NLGN1: variants seen among roughly 807,000 people sequenced by gnomAD.
NLGN1 encodes neuroligin 1.
In NLGN1, 12 loss-of-function variants were observed where a neutral mutation model predicts 65.5. That is an observed-to-expected ratio of 0.18 (90% confidence interval 0.12 to 0.30). The LOEUF is 0.30. NLGN1 is among the 10% of genes least tolerant of loss of function. NLGN1 has a pLI of 1.00. For synonymous variants in NLGN1, 350 were observed against 359.5 expected, an observed-to-expected ratio of 0.97 and a Z score of 0.30; for missense variants, 750 against 1,007.1, an observed-to-expected ratio of 0.74 and a Z score of 3.46.
At chr3:174,013,001 T>C (rs972809297) in intron 4 of NLGN1, among the ~76,000 whole-genome samples, 19 of 152,152 alleles carry the variant, frequency 1.2e-4, no homozygotes, top group African/African-American at 4.6e-4. Flanking sequence ...TATTTACACA[T>C]GGACAGTAAC....
Position 173,976,950 on chromosome 3 carries a change from A to G in NLGN1, c.646+169118A>G, listed in dbSNP as rs191115779. Among the ~76,000 whole-genome samples, 412 of 152,194 alleles carry G rather than the reference A, an allele frequency of 2.7e-3. 2 individuals are homozygous for G. Among genetic ancestry groups the G allele is most frequent in the African/African-American group, 9.2e-3 (384 of 41,554 alleles). On this transcript the variant is annotated intron_variant, in intron 4 of 6. Transcript: ENST00000457714. ...ACTACAGAAAAAAATGGACTCAGTC[A>G]TTCATTTTTCATTCATTATTTCATT...
intron 4 of NLGN1, among the ~76,000 whole-genome samples, chr3:173,906,117 T>G (rs1217054729): frequency 8.5e-5 from 13 of 152,212 alleles, no homozygotes; most frequent in Admixed American, 6.5e-5. Flanking sequence ...GTAGATTGTT[T>G]TATAGATTAG....
chr3:174,111,942 T>TAC (rs1356980895), intron 4 of NLGN1, among the ~76,000 whole-genome samples: 1 of 151,952 alleles, frequency 6.6e-6, no homozygotes, highest in Non-Finnish European at 1.5e-5. Context: ...CTCTTGGATG[T>TAC]ACCAGTGGAA....
chr3:173,860,700 G>A (rs969201755), intron 4 of NLGN1, among the ~76,000 whole-genome samples: 1 of 152,190 alleles, frequency 6.6e-6, no homozygotes, highest in African/African-American at 2.4e-5. Flanking sequence ...CCTCTAGTCT[G>A]TAATAAAGAG....
chr3:174,174,950 A>G (rs571384703), intron 4 of NLGN1, among the ~76,000 whole-genome samples: 27 of 152,038 alleles, frequency 1.8e-4, no homozygotes, highest in African/African-American at 6.5e-4. Context: ...ATGTGTTTGT[A>G]TAGTTTATAA....
At chr3:174,015,406 C>T (rs1726353987) in intron 4 of NLGN1, among the ~76,000 whole-genome samples, 1 of 152,068 alleles carries the variant, frequency 6.6e-6, no homozygotes, top group Admixed American at 6.6e-5. Flanking sequence ...CTAGCTATGT[C>T]CCCCTCATGA....
intron 4 of NLGN1, among the ~76,000 whole-genome samples, chr3:173,941,519 A>G (rs1746088529): frequency 2.0e-5 from 3 of 152,010 alleles, no homozygotes; most frequent in Admixed American, 2.0e-4. Flanking sequence ...TTGACTCAAA[A>G]GGTTGACTGG....
chr3:173,876,857 G>A (rs1202534527), intron 4 of NLGN1, among the ~76,000 whole-genome samples: 1 of 152,056 alleles, frequency 6.6e-6, no homozygotes, highest in African/African-American at 2.4e-5. Context: ...GTGAATAAAT[G>A]CATAAATGTC....
intron 3 of NLGN1, among the ~76,000 whole-genome samples, chr3:173,659,615 G>T (rs955691880): frequency 2.0e-5 from 3 of 151,526 alleles, no homozygotes; most frequent in Non-Finnish European, 4.4e-5. Context: ...CTAACATATT[G>T]GGTTTATTAT....
At chr3:173,534,749 C>T (rs1286121783) in intron 2 of NLGN1, among the ~76,000 whole-genome samples, 1 of 152,142 alleles carries the variant, frequency 6.6e-6, no homozygotes, top group Non-Finnish European at 1.5e-5. Flanking sequence ...TACAAAGTGG[C>T]AGAGCCAGGA....
chr3:173,674,567 A>C (rs73880540), intron 3 of NLGN1, among the ~76,000 whole-genome samples: 2,945 of 152,266 alleles, frequency 0.019, 102 homozygotes, highest in African/African-American at 0.065. Context: ...TTAAAGTTAC[A>C]GGAACATTTT....
chr3:174,265,576 G>A (rs1747924325), intron 4 of NLGN1, among the ~76,000 whole-genome samples: 1 of 151,796 alleles, frequency 6.6e-6, no homozygotes, highest in African/African-American at 2.4e-5. Flanking sequence ...TGCGCCCACT[G>A]TCTGGCACTC....
chr3:173,755,735 A>T (rs1296346718), intron 3 of NLGN1, among the ~76,000 whole-genome samples: 4 of 152,106 alleles, frequency 2.6e-5, no homozygotes, highest in African/African-American at 9.7e-5. Context: ...CATAAAGCGC[A>T]ATGTAAAGTT....
rs149881534 is a variant in NLGN1, at chr3:173,481,524, A to G, written c.-321+46446A>G. Among the ~76,000 whole-genome samples the G allele has an allele frequency of 8.6e-5, 13 of 151,980 alleles. No homozygotes were observed. The East Asian group carries it at 2.3e-3, about 27-fold the overall frequency. On this transcript the variant is annotated intron_variant, in intron 2 of 6. Coordinates refer to ENST00000457714, the Ensembl canonical transcript of NLGN1. Reference sequence around the variant, plus strand: ...TTTGATTAGAATCATATTTCTTTACATAATCTTCAATATGACTTTGTTCTT... The same window carrying G: ...TTTGATTAGAATCATATTTCTTTACGTAATCTTCAATATGACTTTGTTCTT...
intron 4 of NLGN1, among the ~76,000 whole-genome samples, chr3:173,884,267 T>C (rs1733914243): frequency 6.6e-6 from 1 of 152,156 alleles, no homozygotes; most frequent in African/African-American, 2.4e-5. Flanking sequence ...CCAGAAATGT[T>C]AGAGATAAGG....
intron 3 of NLGN1, among the ~76,000 whole-genome samples, chr3:173,641,894 C>T (rs528425226): frequency 8.6e-5 from 13 of 151,986 alleles, no homozygotes; most frequent in South Asian, 2.1e-4. Flanking sequence ...ACTACAATGG[C>T]GGAGTTGATT....
intron 3 of NLGN1, among the ~76,000 whole-genome samples, chr3:173,757,636 C>T (rs1027585692): frequency 6.6e-6 from 1 of 151,682 alleles, no homozygotes; most frequent in Non-Finnish European, 1.5e-5. Flanking sequence ...TGGCAATGTG[C>T]AGATATCGTT....
At chr3:174,237,842 C>T (rs1273694437) in intron 4 of NLGN1, among the ~76,000 whole-genome samples, 1 of 152,108 alleles carries the variant, frequency 6.6e-6, no homozygotes, top group Non-Finnish European at 1.5e-5. Flanking sequence ...CAGTTGTGAG[C>T]CACCACGCCT....
At chr3:173,566,713 T>C (rs1181679635) in intron 2 of NLGN1, among the ~76,000 whole-genome samples, 3 of 152,290 alleles carry the variant, frequency 2.0e-5, no homozygotes, top group East Asian at 1.9e-4. Flanking sequence ...TGTTGACTCA[T>C]ACATATTTAT....
Sources: allele counts gnomAD v4.1 joint callset (sites outside exome capture counted in the v4.1 genomes callset), GRCh38; gene constraint gnomAD v4.1.1; transcripts MANE v1.5; gene names NCBI Gene and HGNC (gene_info 2026-07-23, HGNC 2026-07-21).